Variants in PLCH1 observed in about 807,000 individuals in gnomAD.
PLCH1 encodes the protein 1-phosphatidylinositol 4,5-bisphosphate phosphodiesterase eta-1.
A neutral mutation model predicts 126.7 loss-of-function variants in PLCH1; 60 were observed. That is an observed-to-expected ratio of 0.47 (90% CI 0.38 to 0.59). The LOEUF (loss-of-function observed/expected upper bound fraction) is 0.59. PLCH1 is among the 20% of genes least tolerant of loss of function. The probability of loss-of-function intolerance (pLI) is 0.00; values close to 1 mark genes in which losing one functional copy is unlikely to be tolerated. For synonymous variants in PLCH1, 719 were observed against 734.9 expected, an observed-to-expected ratio of 0.98 and a Z score of 0.35; for missense variants, 1,723 against 2,040.0, an observed-to-expected ratio of 0.84 and a Z score of 2.99.
At chr3:155,663,066 C>T (rs142516690) in intron 2 of PLCH1, among the ~76,000 whole-genome samples, 78 of 152,266 alleles carry the variant, frequency 5.1e-4, no homozygotes, top group Middle Eastern at 3.4e-3. Flanking sequence ...TATAAATAAA[C>T]AATCATGGTG....
Position 155,523,975 on chromosome 3 carries a change from A to C in PLCH1, c.1392T>G (p.Asp464Glu), listed in dbSNP as rs767086910. ...KGKKLPYHLG[D>E]DAEEGEVSDE... ...CAGAAACTTCCCCTTCCTCTGCATCATCCCCAAGGTGATAAGGCAACTTCT... is the reference window on the plus strand; with the variant it reads ...CAGAAACTTCCCCTTCCTCTGCATCCTCCCCAAGGTGATAAGGCAACTTCT... The change falls in exon 11 of 23, where the codon GAT (aspartate) becomes GAG (glutamate). Residue 464 changes from aspartate to glutamate, a missense_variant. Asp to Glu is a conservative substitution (Grantham distance 45). Around this residue, in one of 2 missense-constraint regions of PLCH1, gnomAD observed 776 missense variants for 1,062.9 expected, o/e 0.73. Transcript: ENST00000460012. The C allele has an allele frequency of 6.2e-7, 1 of 1,606,836 alleles. No individual in the cohort carries two copies. Among genetic ancestry groups the C allele is most frequent in the Non-Finnish European group, 8.5e-7 (1 of 1,174,980 alleles).
intron 1 of PLCH1, among the ~76,000 whole-genome samples, chr3:155,708,801 C>G (rs754336016): frequency 6.6e-5 from 10 of 152,050 alleles, no homozygotes; most frequent in Non-Finnish European, 1.3e-4. Flanking sequence ...TAATATGTTA[C>G]ACATTCAGAA....
intron 21 of PLCH1, among the ~76,000 whole-genome samples, chr3:155,467,748 GCA>G (rs1251150300): frequency 6.6e-6 from 1 of 152,164 alleles, no homozygotes; most frequent in East Asian, 1.9e-4. Context: ...AGTATAACTG[GCA>G]AAAATATCTT....
At chr3:155,477,355 T>C (rs1307864468), downstream of PLCH1, among the ~76,000 whole-genome samples, 1 of 151,844 alleles carries the variant, frequency 6.6e-6, no homozygotes, top group Non-Finnish European at 1.5e-5. Context: ...TTTTGAGAAA[T>C]ACCCACAAGC....
chr3:155,609,407 G>A (rs1007048595), intron 2 of PLCH1, among the ~76,000 whole-genome samples: 1 of 152,208 alleles, frequency 6.6e-6, no homozygotes, highest in Non-Finnish European at 1.5e-5. Flanking sequence ...CCCTTGAATC[G>A]CAGATCTTTC....
chr3:155,658,710 C>T (rs1741731988), intron 2 of PLCH1: 2 of 152,130 alleles, frequency 1.3e-5, no homozygotes, highest in South Asian at 4.2e-4. Context: ...TTTCTCTAGT[C>T]AATCTCTATT....
intron 1 of PLCH1, among the ~76,000 whole-genome samples, chr3:155,712,940 AT>A (rs1297211104): frequency 6.6e-6 from 1 of 151,030 alleles, no homozygotes; most frequent in Non-Finnish European, 1.5e-5. Context: ...TTAATAATAT[AT>A]TATTTGTAAA....
rs151153532 is a variant in PLCH1, at chr3:155,603,821, T to G, written c.80-7443A>C. Among the ~76,000 whole-genome samples the G allele has an allele frequency of 7.2e-3, 1,091 of 152,208 alleles. 7 individuals are homozygous for G. The highest frequency in any genetic ancestry group is 0.021 in the South Asian group (99 of 4,814). On this transcript the variant is annotated intron_variant, in intron 2 of 22. Coordinates refer to ENST00000460012, the MANE Select transcript of PLCH1 (RefSeq NM_014996.4). The stretch of plus-strand genomic sequence containing the variant: ...TATATAAAACATAACTGCTTGGCTG[T>G]GTGTGGTGGCTGACACCTGTAATCC...
At chr3:155,469,680 G>C (rs1713095658) in intron 21 of PLCH1, among the ~76,000 whole-genome samples, 1 of 151,840 alleles carries the variant, frequency 6.6e-6, no homozygotes, top group Non-Finnish European at 1.5e-5. Flanking sequence ...GTCCCTGTCT[G>C]ACAGCTTTGA....
rs779872472 is a variant in PLCH1, at chr3:155,497,378, T to C, written c.1836A>G (p.Glu612=). The C allele has an allele frequency of 9.9e-6, 16 of 1,613,650 alleles. No homozygotes were observed. The highest frequency in any genetic ancestry group is 4.5e-5 in the East Asian group (2 of 44,874). The change falls in exon 15 of 23, where the codon GAA becomes GAG. Residue 612 remains glutamate, a synonymous_variant. Transcript: ENST00000460012. The stretch of plus-strand genomic sequence containing the variant: ...TTGTGTACACAACCAAATCAGAGAG[T>C]TCTCGGCAGAGCTTCATGGTTTTCC... ...RRRKTMKLCR[E]LSDLVVYTNS...
At chr3:155,486,311 T>C (rs1247070300) in intron 21 of PLCH1, 2 of 670,232 alleles carry the variant, frequency 3.0e-6, no homozygotes, top group East Asian at 5.6e-5. Flanking sequence ...CTATAAACCC[T>C]TTCTCTTAGT....
chr3:155,469,187 T>G (rs1270854582), intron 21 of PLCH1, among the ~76,000 whole-genome samples: 3 of 151,886 alleles, frequency 2.0e-5, no homozygotes, highest in African/African-American at 7.3e-5. Flanking sequence ...ACTAGGGAGT[T>G]ACAGACAGTG....
intron 2 of PLCH1, among the ~76,000 whole-genome samples, chr3:155,638,911 A>G (rs1425227773): frequency 6.6e-6 from 1 of 152,178 alleles, no homozygotes. Context: ...GGGGGAAAAT[A>G]TTAATGAATA....
intron 4 of PLCH1, among the ~76,000 whole-genome samples, chr3:155,591,888 T>C (rs1011892717): frequency 6.6e-6 from 1 of 152,116 alleles, no homozygotes; most frequent in African/African-American, 2.4e-5. Flanking sequence ...TAATTGTTTG[T>C]AAAGATGGGG....
intron 2 of PLCH1, among the ~76,000 whole-genome samples, chr3:155,612,984 C>A (rs1463915326): frequency 7.0e-6 from 1 of 142,678 alleles, no homozygotes; most frequent in African/African-American, 2.7e-5. Flanking sequence ...ATCAATAATA[C>A]AGAAATACAA....
intron 1 of PLCH1, among the ~76,000 whole-genome samples, chr3:155,715,606 CTT>C (rs763813354): frequency 3.3e-4 from 41 of 122,684 alleles, no homozygotes; most frequent in Admixed American, 4.2e-4. Flanking sequence ...CATCTGGCCT[CTT>C]TTTTTTTTTT....
At chr3:155,497,923 C>T (rs1444911595) in intron 14 of PLCH1, among the ~76,000 whole-genome samples, 1 of 152,084 alleles carries the variant, frequency 6.6e-6, no homozygotes, top group Non-Finnish European at 1.5e-5. Context: ...CCATGTTGGC[C>T]AGGCTGGTCT....
At chr3:155,476,869 A>G (rs1005758118), downstream of PLCH1, among the ~76,000 whole-genome samples, 1 of 152,150 alleles carries the variant, frequency 6.6e-6, no homozygotes, top group Non-Finnish European at 1.5e-5. Flanking sequence ...CAAAATACCA[A>G]TGACATTCTT....
intron 5 of PLCH1, among the ~76,000 whole-genome samples, chr3:155,584,139 A>G (rs1241879116): frequency 6.6e-6 from 1 of 152,176 alleles, no homozygotes; most frequent in Non-Finnish European, 1.5e-5. Context: ...AAAAAGTAAT[A>G]AAATAGAAAA....
Sources: gnomAD v4.1 joint callset for allele counts (sites outside exome capture counted in the v4.1 genomes callset) on GRCh38, gnomAD v4.1.1 for gene constraint, gnomAD v4.1.1 regional missense constraint, MANE v1.5 for transcripts, NCBI Gene and HGNC (gene_info 2026-07-23, HGNC 2026-07-21) for gene names.